TAB2: variants seen among roughly 807,000 people sequenced by gnomAD.
TAB2 encodes TGF-beta activated kinase 1 (MAP3K7) binding protein 2.
Under a neutral mutation model 65.0 loss-of-function variants are expected in TAB2, and 3 were observed. The ratio of observed to expected loss-of-function variants is 0.05; its 90% CI spans 0.02 to 0.12. The LOEUF is 0.12. TAB2 is among the 10% of genes least tolerant of loss of function. TAB2 has a pLI of 1.00. For missense variants in TAB2, 623 were observed against 840.3 expected, an observed-to-expected ratio of 0.74 and a Z score of 3.20; for synonymous variants, 298 against 285.1, an observed-to-expected ratio of 1.05 and a Z score of -0.46.
upstream of TAB2, among the ~76,000 whole-genome samples, chr6:149,316,659 A>T (rs1583081176): frequency 6.6e-6 from 1 of 152,144 alleles, no homozygotes; most frequent in African/African-American, 2.4e-5. Context: ...CACTAAACAA[A>T]TATTTATTTA....
chr6:149,399,573 A>G (rs969231717), intron 6 of TAB2, among the ~76,000 whole-genome samples: 1 of 149,866 alleles, frequency 6.7e-6, no homozygotes, highest in South Asian at 2.2e-4. Context: ...ATATAACTTT[A>G]AGTAATCAAA....
At chr6:149,292,706 A>G (rs1390855079) in intron 1 of TAB2, among the ~76,000 whole-genome samples, 1 of 152,220 alleles carries the variant, frequency 6.6e-6, no homozygotes, top group African/African-American at 2.4e-5. Context: ...AATCCAGCAT[A>G]TTTTTGATTT....
intron 1 of TAB2, among the ~76,000 whole-genome samples, chr6:149,283,263 G>A (rs2114687404): frequency 6.6e-6 from 1 of 152,302 alleles, no homozygotes; most frequent in East Asian, 1.9e-4. Flanking sequence ...GGATAGAGGA[G>A]CCAGAAAAGG....
chr6:149,282,192 A>G (rs1285460109), intron 1 of TAB2, among the ~76,000 whole-genome samples: 1 of 152,134 alleles, frequency 6.6e-6, no homozygotes, highest in Non-Finnish European at 1.5e-5. Context: ...TTTATATGAT[A>G]AAGTTGTCAA....
At chr6:149,308,067 C>G (rs1222430945) in intron 1 of TAB2, among the ~76,000 whole-genome samples, 2 of 152,202 alleles carry the variant, frequency 1.3e-5, no homozygotes, top group African/African-American at 4.8e-5. Context: ...TTTTTAACCA[C>G]TACATCTTAT....
At chr6:149,366,174 A>G (rs1359423571) in intron 1 of TAB2, among the ~76,000 whole-genome samples, 3 of 152,148 alleles carry the variant, frequency 2.0e-5, no homozygotes, top group Non-Finnish European at 2.9e-5. Context: ...TTAGAACATT[A>G]TGAATGCCAT....
chr6:149,270,788 C>A (rs9485366), intron 1 of TAB2, among the ~76,000 whole-genome samples: 2,969 of 152,270 alleles, frequency 0.019, 98 homozygotes, highest in African/African-American at 0.068. Flanking sequence ...ATGGTCAACT[C>A]GCCCAGCTTT....
chr6:149,253,958 A>AAAAGACAG, intron 1 of TAB2, among the ~76,000 whole-genome samples: 2 of 76,368 alleles, frequency 2.6e-5, no homozygotes, highest in Admixed American at 1.5e-4. Context: ...GAAAGAAAGA[A>AAAAGACAG]AAAGAAAGAA....
chr6:149,284,811 C>T (rs563609995), intron 1 of TAB2, among the ~76,000 whole-genome samples: 72 of 152,240 alleles, frequency 4.7e-4, no homozygotes, highest in African/African-American at 1.6e-3. Context: ...TAAAGAACTG[C>T]CTCTTTAAGC....
At position 149,350,617 on chromosome 6, in the gene TAB2, C is replaced by CTTTTT. The variant is rs150204735; in HGVS notation, c.-89-19272_-89-19268dup. Among the ~76,000 whole-genome samples the CTTTTT allele has an allele frequency of 4.4e-3, 405 of 92,494 alleles. 9 individuals are homozygous for CTTTTT. Among genetic ancestry groups the CTTTTT allele is most frequent in the African/African-American group, 0.016 (377 of 23,064 alleles). 60.7% of individuals were successfully genotyped at this position (92,494 alleles called of 152,430 possible). A position where few individuals can be genotyped will look rare whatever the true frequency, so the allele number is the denominator to read the frequency against. ...ATTCGGCATGAACCATATTTTATGT[C>CTTTTT]TTTTTTTTTTTTTTTTTTTTTTTTA... On this transcript the variant is annotated intron_variant, in intron 1 of 6. Transcript: ENST00000637181.
At chr6:149,346,464 T>G (rs1186986728) in intron 1 of TAB2, 1 of 151,626 alleles carries the variant, frequency 6.6e-6, no homozygotes, top group African/African-American at 2.5e-5. Flanking sequence ...TTTTTTTTTT[T>G]TTTTTTGAGA....
intron 6 of TAB2, among the ~76,000 whole-genome samples, chr6:149,403,222 G>A (rs565506897): frequency 2.4e-5 from 3 of 126,978 alleles, no homozygotes; most frequent in Admixed American, 8.3e-5. Context: ...CAACGGGAGC[G>A]AAACTCTTGT....
intron 6 of TAB2, among the ~76,000 whole-genome samples, chr6:149,408,717 G>C (rs1046467273): frequency 6.6e-6 from 1 of 152,130 alleles, no homozygotes; most frequent in African/African-American, 2.4e-5. Context: ...ATTTTTTTAA[G>C]TAGTTTTATA....
intron 1 of TAB2, among the ~76,000 whole-genome samples, chr6:149,319,305 C>T (rs1779359849): frequency 6.6e-6 from 1 of 152,154 alleles, no homozygotes; most frequent in African/African-American, 2.4e-5. Flanking sequence ...GTATTGACAC[C>T]TTTTAAAAAA....
chr6:149,254,054 AGAGG>A (rs1159686582), intron 1 of TAB2, among the ~76,000 whole-genome samples: 1 of 123,994 alleles, frequency 8.1e-6, no homozygotes, highest in Admixed American at 8.4e-5. Flanking sequence ...AAAGAGGGAG[AGAGG>A]GAGGAAGGAA....
intron 1 of TAB2, among the ~76,000 whole-genome samples, chr6:149,343,471 CAA>C (rs5880835): frequency 2.6e-4 from 18 of 68,468 alleles, no homozygotes; most frequent in Admixed American, 3.4e-4. Flanking sequence ...GACTCCGTCT[CAA>C]AAAAAAAAAA....
chr6:149,292,027 T>C (rs73607369), intron 1 of TAB2, among the ~76,000 whole-genome samples: 3,389 of 152,246 alleles, frequency 0.022, 106 homozygotes, highest in African/African-American at 0.073. Context: ...AAGAACTAAA[T>C]AATTAGAAAA....
At chr6:149,344,405 G>C (rs1388858364) in intron 1 of TAB2, among the ~76,000 whole-genome samples, 1 of 152,180 alleles carries the variant, frequency 6.6e-6, no homozygotes, top group Non-Finnish European at 1.5e-5. Context: ...GTACTGGAGA[G>C]AATCAGCTTT....
chr6:149,299,841 A>ATT (rs5880830), intron 1 of TAB2, among the ~76,000 whole-genome samples: 2 of 146,586 alleles, frequency 1.4e-5, no homozygotes, highest in African/African-American at 5.0e-5. Flanking sequence ...CAGTTCTACA[A>ATT]TTTTTTTTTT....
Sources: allele counts gnomAD v4.1 joint callset (sites outside exome capture counted in the v4.1 genomes callset), GRCh38; gene constraint gnomAD v4.1.1; transcripts MANE v1.5; gene names NCBI Gene and HGNC (gene_info 2026-07-23, HGNC 2026-07-21).